PCTP: variants seen among roughly 807,000 people sequenced by gnomAD.
PCTP encodes the protein phosphatidylcholine transfer protein.
Under a neutral mutation model 31.0 loss-of-function variants are expected in PCTP, and 27 were observed. The observed-to-expected ratio is 0.87, with a 90% CI of 0.64 to 1.20. The LOEUF is 1.20. PCTP is among the 50% of genes most tolerant of loss of function. The pLI is 0.00. For missense variants in PCTP, 287 were observed against 268.2 expected (o/e 1.07, Z -0.49); for synonymous variants, 108 against 101.2 (o/e 1.07, Z -0.40).
At chr17:55,773,154 T>C (rs2144965251) in intron 3 of PCTP, among the ~76,000 whole-genome samples, 1 of 152,386 alleles carries the variant, frequency 6.6e-6, no homozygotes. Context: ...AATATTCATG[T>C]AGTCCCATGT....
At chr17:55,764,147 G>A (rs1910505451) in intron 1 of PCTP, among the ~76,000 whole-genome samples, 1 of 152,210 alleles carries the variant, frequency 6.6e-6, no homozygotes, top group African/African-American at 2.4e-5. Context: ...GAGAAGAAGA[G>A]AACCAGTGTA....
chr17:55,752,204 A>G (rs1909750679), intron 1 of PCTP, among the ~76,000 whole-genome samples: 1 of 152,176 alleles, frequency 6.6e-6, no homozygotes, highest in Non-Finnish European at 1.5e-5. Context: ...AGGCACTTGC[A>G]TTTTTGTTTA....
intron 3 of PCTP, among the ~76,000 whole-genome samples, chr17:55,803,892 CA>C (rs35044645): frequency 1.5e-3 from 190 of 126,416 alleles, no homozygotes; most frequent in East Asian, 6.5e-3. Context: ...TTCTGCAGAG[CA>C]AAAAAAAAAA....
chr17:55,804,801 G>A (rs1412977075), intron 3 of PCTP, among the ~76,000 whole-genome samples: 1 of 152,034 alleles, frequency 6.6e-6, no homozygotes, highest in Non-Finnish European at 1.5e-5. Flanking sequence ...ACCATGGCAT[G>A]TGTATACTTA....
At chr17:55,773,501 A>G (rs1161082850) in intron 3 of PCTP, among the ~76,000 whole-genome samples, 1 of 152,192 alleles carries the variant, frequency 6.6e-6, no homozygotes, top group Non-Finnish European at 1.5e-5. Flanking sequence ...GGGATCACTC[A>G]CAGGTAAGTA....
At chr17:55,785,282 A>G (rs1450317203) in intron 2 of PCTP, among the ~76,000 whole-genome samples, 1 of 152,244 alleles carries the variant, frequency 6.6e-6, no homozygotes, top group Non-Finnish European at 1.5e-5. Flanking sequence ...GCCAACTAGT[A>G]GCTGAGACCC....
chr17:55,775,710 G>T, intron 5 of PCTP: 2 of 1,216,490 alleles, frequency 1.6e-6, no homozygotes, highest in Admixed American at 4.2e-5. Flanking sequence ...CATTTCTTTG[G>T]AAGAATGTAA....
chr17:55,815,238 C>G (rs1490813517), intron 3 of PCTP, among the ~76,000 whole-genome samples: 1 of 152,116 alleles, frequency 6.6e-6, no homozygotes, highest in Non-Finnish European at 1.5e-5. Flanking sequence ...AGTAAATACA[C>G]TTGATAATTT....
chr17:55,845,889 T>G (rs12943222), downstream of PCTP, among the ~76,000 whole-genome samples: 6,416 of 110,334 alleles, frequency 0.058, 193 homozygotes, highest in Non-Finnish European at 0.08. Context: ...AGGGTTGGGG[T>G]GTGTGTGTGT....
intron 2 of PCTP, among the ~76,000 whole-genome samples, chr17:55,767,962 G>A (rs984528967): frequency 3.4e-4 from 52 of 151,468 alleles, no homozygotes; most frequent in Middle Eastern, 3.4e-3. Context: ...GCATGGTGGC[G>A]CATGCCTATA....
the PCTP span, among the ~76,000 whole-genome samples, chr17:55,849,654 T>C: frequency 1.3e-5 from 2 of 151,952 alleles, no homozygotes; most frequent in East Asian, 3.9e-4. Flanking sequence ...AAATAAAAAA[T>C]AGCACTAATT....
chr17:55,848,939 T>TA, the PCTP span, among the ~76,000 whole-genome samples: 863 of 151,048 alleles, frequency 5.7e-3, 5 homozygotes, highest in Non-Finnish European at 0.011. Context: ...CTGGAATAAA[T>TA]AAAAAAAAAT....
downstream of PCTP, among the ~76,000 whole-genome samples, chr17:55,779,631 T>C (rs1201639114): frequency 6.6e-6 from 1 of 152,154 alleles, no homozygotes; most frequent in African/African-American, 2.4e-5. Flanking sequence ...TTTGAAAGAT[T>C]TGAGATTGAG....
chr17:55,816,152 G>T (rs763364078), intron 3 of PCTP, among the ~76,000 whole-genome samples: 13 of 152,026 alleles, frequency 8.6e-5, no homozygotes, highest in Non-Finnish European at 1.8e-4. Context: ...ATGCTTCAAT[G>T]GCTTTTATTA....
At chr17:55,770,039 T>C (rs560328149) in intron 2 of PCTP, 2 of 152,332 alleles carry the variant, frequency 1.3e-5, no homozygotes, top group Admixed American at 1.3e-4. Flanking sequence ...TTATCCCTCC[T>C]TACCATCTCC....
At chr17:55,822,995 CGCAGA>C (rs549618137) in exon 4 of PCTP, 183 of 410,350 alleles carry the variant, frequency 4.5e-4, no homozygotes, top group Non-Finnish European at 6.9e-4. Context: ...ACAGTATTTT[CGCAGA>C]TGTGAAATTC....
intron 2 of PCTP, among the ~76,000 whole-genome samples, chr17:55,783,201 A>T (rs960282245): frequency 1.3e-4 from 20 of 150,912 alleles, no homozygotes; most frequent in Admixed American, 6.6e-5. Flanking sequence ...TTCTTTATTA[A>T]TTTTTTTGAT....
chr17:55,775,281 C>T (rs1911266048), intron 5 of PCTP: 1 of 1,235,084 alleles, frequency 8.1e-7, no homozygotes, highest in Non-Finnish European at 1.0e-6. Flanking sequence ...GTTGTTGTTG[C>T]CCTTTTTTTT....
intron 5 of PCTP, among the ~76,000 whole-genome samples, chr17:55,842,024 C>T (rs1054888109): frequency 1.4e-4 from 21 of 152,054 alleles, no homozygotes; most frequent in Admixed American, 5.2e-4. Flanking sequence ...ATTCAGAAAA[C>T]ATTTACTGAA....
Sources: allele counts gnomAD v4.1 joint callset (sites outside exome capture counted in the v4.1 genomes callset), GRCh38; gene constraint gnomAD v4.1.1; transcripts MANE v1.5; gene names NCBI Gene and HGNC (gene_info 2026-07-23, HGNC 2026-07-21).